The following RGS7BP variants were observed in gnomAD, a reference collection of about 807,000 sequenced individuals.
RGS7BP encodes the protein regulator of G protein signaling 7-binding protein.
A neutral mutation model predicts 31.3 loss-of-function variants in RGS7BP; 9 were observed. The ratio of observed to expected loss-of-function variants is 0.29; its 90% CI spans 0.17 to 0.50. The LOEUF is 0.50. RGS7BP is among the 20% of genes least tolerant of loss of function. The pLI, the probability that RGS7BP is intolerant of heterozygous loss-of-function variation, is 0.98. For missense variants in RGS7BP, 274 were observed against 322.0 expected (o/e 0.85, Z 1.14); for synonymous variants, 115 against 120.1 (o/e 0.96, Z 0.28).
chr5:64,567,191 A>G (rs1742191874), intron 2 of RGS7BP, among the ~76,000 whole-genome samples: 1 of 142,822 alleles, frequency 7.0e-6, no homozygotes, highest in South Asian at 2.4e-4. Context: ...AGTGTGGACC[A>G]CTAATGCGGT....
intron 5 of RGS7BP, among the ~76,000 whole-genome samples, chr5:64,608,605 A>G (rs1743424746): frequency 6.6e-6 from 1 of 152,020 alleles, no homozygotes; most frequent in African/African-American, 2.4e-5. Flanking sequence ...TAAGCTACTC[A>G]CCATAGCTAA....
intron 2 of RGS7BP, among the ~76,000 whole-genome samples, chr5:64,562,024 A>G (rs1338430409): frequency 6.6e-6 from 1 of 152,178 alleles, no homozygotes; most frequent in Non-Finnish European, 1.5e-5. Flanking sequence ...CAATAAAATG[A>G]TACTACATCA....
At chr5:64,542,146 T>G (rs906365332) in intron 2 of RGS7BP, among the ~76,000 whole-genome samples, 2 of 152,220 alleles carry the variant, frequency 1.3e-5, no homozygotes, top group African/African-American at 4.8e-5. Context: ...ACGAAAGAGT[T>G]GAAAGTTTAG....
chr5:64,558,277 C>G (rs1741972926), intron 2 of RGS7BP, among the ~76,000 whole-genome samples: 2 of 152,286 alleles, frequency 1.3e-5, no homozygotes, highest in South Asian at 2.1e-4. Context: ...GGACCCCGAA[C>G]AGAGGGACCT....
chr5:64,603,087 C>G (rs1743262278), intron 5 of RGS7BP, among the ~76,000 whole-genome samples: 1 of 152,142 alleles, frequency 6.6e-6, no homozygotes, highest in Non-Finnish European at 1.5e-5. Context: ...ATCATTAAGA[C>G]CCCTTAGGCC....
intron 2 of RGS7BP, among the ~76,000 whole-genome samples, chr5:64,575,304 C>A (rs1417359048): frequency 1.3e-5 from 2 of 152,064 alleles, no homozygotes; most frequent in African/African-American, 2.4e-5. Context: ...AGACAAAAAA[C>A]CTTGATAAAA....
At chr5:64,529,193 T>G (rs935219632) in intron 2 of RGS7BP, among the ~76,000 whole-genome samples, 1 of 152,164 alleles carries the variant, frequency 6.6e-6, no homozygotes, top group Non-Finnish European at 1.5e-5. Flanking sequence ...TTAAAAATAG[T>G]CCAAGGTCTG....
chr5:64,555,812 T>C (rs1561333202), intron 2 of RGS7BP, among the ~76,000 whole-genome samples: 1 of 152,164 alleles, frequency 6.6e-6, no homozygotes, highest in Non-Finnish European at 1.5e-5. Flanking sequence ...AATTCTGTGG[T>C]AAAATTGGTA....
At position 64,589,709 on chromosome 5, in the gene RGS7BP, G is replaced by A. The variant is rs529702598; in HGVS notation, c.464-5001G>A. 2.0e-5 allele frequency among the ~76,000 whole-genome samples: 3 copies of A among 152,204 alleles called. No homozygotes were observed. In the East Asian group the frequency reaches 5.8e-4, roughly 29 times the overall value. Reference sequence around the variant, plus strand: ...AGCACTTTGGGAGGCTGAGGTGGGAGAACTGCCTGAGGCCAGGATCAGTTT... The same window carrying A: ...AGCACTTTGGGAGGCTGAGGTGGGAAAACTGCCTGAGGCCAGGATCAGTTT... On this transcript the variant is annotated intron_variant, in intron 3 of 5. Coordinates refer to ENST00000334025, the MANE Select transcript of RGS7BP (RefSeq NM_001029875.3).
chr5:64,512,289 A>G (rs544166127), intron 2 of RGS7BP, among the ~76,000 whole-genome samples: 1 of 152,190 alleles, frequency 6.6e-6, no homozygotes, highest in Non-Finnish European at 1.5e-5. Context: ...GTGTGATGGG[A>G]AAGAGCACTG....
intron 2 of RGS7BP, among the ~76,000 whole-genome samples, chr5:64,559,792 C>G (rs1342560487): frequency 6.6e-6 from 1 of 152,116 alleles, no homozygotes; most frequent in Admixed American, 6.6e-5. Context: ...TATTTTAATA[C>G]TGTGTTGTTC....
intron 2 of RGS7BP, among the ~76,000 whole-genome samples, chr5:64,556,420 CA>C (rs1561333439): frequency 1.6e-3 from 57 of 35,222 alleles, no homozygotes; most frequent in Middle Eastern, 0.013. Flanking sequence ...TCCCCAGCCA[CA>C]CACACACACA....
intron 2 of RGS7BP, among the ~76,000 whole-genome samples, chr5:64,524,212 A>T (rs1749177270): frequency 1.3e-5 from 2 of 152,228 alleles, no homozygotes; most frequent in African/African-American, 4.8e-5. Context: ...TGTTCATTCT[A>T]TCATCAGCTT....
At chr5:64,516,181 TA>T (rs777322867) in intron 2 of RGS7BP, among the ~76,000 whole-genome samples, 2 of 152,154 alleles carry the variant, frequency 1.3e-5, no homozygotes, top group Non-Finnish European at 2.9e-5. Context: ...TTTGCAGCTG[TA>T]GATACACAGT....
chr5:64,557,034 C>T (rs1741945673), intron 2 of RGS7BP, among the ~76,000 whole-genome samples: 2 of 152,184 alleles, frequency 1.3e-5, no homozygotes, highest in Admixed American at 1.3e-4. Flanking sequence ...CTTAAGTCCA[C>T]ACTGGTACTT....
intron 2 of RGS7BP, among the ~76,000 whole-genome samples, chr5:64,571,580 G>A (rs886490778): frequency 6.6e-6 from 1 of 152,016 alleles, no homozygotes. Context: ...CACCAACATT[G>A]GGCATTATGA....
intron 2 of RGS7BP, among the ~76,000 whole-genome samples, chr5:64,558,657 C>A (rs1305861781): frequency 6.6e-6 from 1 of 152,068 alleles, no homozygotes; most frequent in East Asian, 1.9e-4. Flanking sequence ...AGGGAGATAA[C>A]CATTAGGTTT....
chr5:64,514,171 T>C (rs1748912324), intron 2 of RGS7BP, among the ~76,000 whole-genome samples: 1 of 152,194 alleles, frequency 6.6e-6, no homozygotes, highest in Admixed American at 6.5e-5. Context: ...CAAATTCCTC[T>C]TTTTTACAAG....
rs187309631 is a variant in RGS7BP, at chr5:64,512,607, T to G, written c.332+4730T>G. On this transcript the variant is annotated intron_variant, in intron 2 of 5. Coordinates refer to ENST00000334025, the MANE Select transcript of RGS7BP (RefSeq NM_001029875.3). ...GACCGCAAGCATATAGTAAATGCTA[T>G]TAAGTGCAAGTTAGTGGTAATATAA... Among the ~76,000 whole-genome samples, 21 of 152,366 alleles carry G rather than the reference T, an allele frequency of 1.4e-4. No individual in the cohort carries two copies. The South Asian group carries it at 1.9e-3, about 14-fold the overall frequency.
Sources: gnomAD v4.1 joint callset for allele counts (sites outside exome capture counted in the v4.1 genomes callset) on GRCh38, gnomAD v4.1.1 for gene constraint, MANE v1.5 for transcripts, NCBI Gene and HGNC (gene_info 2026-07-23, HGNC 2026-07-21) for gene names.